SYCP1: variants seen among roughly 807,000 people sequenced by gnomAD.
The protein encoded by SYCP1 is synaptonemal complex protein 1.
Under a neutral mutation model 153.1 loss-of-function variants are expected in SYCP1, and 64 were observed. The observed-to-expected ratio is 0.42, with a 90% CI of 0.34 to 0.51. SYCP1 has a LOEUF of 0.51. SYCP1 is among the 20% of genes least tolerant of loss of function. The pLI, the probability that SYCP1 is intolerant of heterozygous loss-of-function variation, is 0.06. For synonymous variants in SYCP1, 384 were observed against 341.8 expected (o/e 1.12, Z -1.36); for missense variants, 997 against 1,049.0 (o/e 0.95, Z 0.68).
At chr1:114,857,558 AT>A in intron 5 of SYCP1, 61 bp downstream of exon 5, 1 of 1,204,286 alleles carries the variant, frequency 8.3e-7, no homozygotes, top group South Asian at 1.6e-5. Context: ...TATTACCTAT[AT>A]GTATATTTCT....
At position 114,911,465 on chromosome 1, in the gene SYCP1, T is replaced by A. The variant is rs1266873410; in HGVS notation, c.1426-14T>A. The A allele has an allele frequency of 2.0e-6, 3 of 1,521,172 alleles. No individual in the cohort carries two copies. Among genetic ancestry groups the A allele is most frequent in the Non-Finnish European group, 2.6e-6 (3 of 1,132,406 alleles). The allele number at this position is 1,521,172 out of a possible 1,614,324, so 94.2% of individuals were successfully genotyped here. ...GAAAAACACTTGCCATAGTTATATA[T>A]GTTTATTTTGCAGAAAGAAGTACAT... On this transcript the variant is annotated splice_polypyrimidine_tract_variant and intron_variant, in intron 17 of 31. Coordinates refer to ENST00000369522, the MANE Select transcript of SYCP1 (RefSeq NM_003176.4).
rs1232959904 is a variant in SYCP1 at position 114,860,801 on chromosome 1, C to A, written c.590C>A (p.Thr197Lys). The A allele has an allele frequency of 3.2e-6, 5 of 1,584,606 alleles. No individual in the cohort carries two copies. The highest frequency in any genetic ancestry group is 3.7e-5 in the Admixed American group (2 of 54,462). ...ACCTGTGCTAGATCTGCAGAAAAGACAAAGAAATGTAAATATCTTTCTTGT... is the reference window on the plus strand; with the variant it reads ...ACCTGTGCTAGATCTGCAGAAAAGAAAAAGAAATGTAAATATCTTTCTTGT... ...KETCARSAEK[T>K]KKYEYEREET... The change falls in exon 8 of 32, where the codon ACA becomes AAA. Residue 197 changes from threonine (T) to lysine (K), a missense_variant. Thr to Lys is a moderately conservative substitution (Grantham distance 78). Transcript: ENST00000369522.
intron 23 of SYCP1, among the ~76,000 whole-genome samples, chr1:114,938,787 A>C (rs1233484837): frequency 6.6e-6 from 1 of 152,124 alleles, no homozygotes; most frequent in Non-Finnish European, 1.5e-5. Flanking sequence ...AATATACACA[A>C]ATGGCCAATA....
intron 28 of SYCP1, among the ~76,000 whole-genome samples, chr1:114,977,852 GA>G (rs1672904271): frequency 1.3e-5 from 2 of 151,370 alleles, no homozygotes; most frequent in South Asian, 2.1e-4. Context: ...CAAAAAAGAA[GA>G]AAAAAAGAAG....
At chr1:114,876,915 A>G in intron 11 of SYCP1, 105 bp downstream of exon 11, 6 of 545,744 alleles carry the variant, frequency 1.1e-5, no homozygotes, top group Non-Finnish European at 1.7e-5. Context: ...ATAAATTCCT[A>G]TGAGAGAATT....
chr1:114,884,886 T>C (rs1038419246), intron 12 of SYCP1, among the ~76,000 whole-genome samples: 2 of 152,154 alleles, frequency 1.3e-5, no homozygotes, highest in Admixed American at 6.5e-5. Flanking sequence ...ATTGCTTTTA[T>C]GATGTTTAAA....
intron 15 of SYCP1, among the ~76,000 whole-genome samples, chr1:114,888,129 A>C (rs1482311788): frequency 1.3e-5 from 2 of 152,106 alleles, no homozygotes; most frequent in Non-Finnish European, 2.9e-5. Context: ...GTGTTATTAA[A>C]ATTCAACAAC....
At chr1:114,994,036 T>C (rs1449523466) in intron 30 of SYCP1, among the ~76,000 whole-genome samples, 2 of 151,484 alleles carry the variant, frequency 1.3e-5, no homozygotes, top group African/African-American at 4.8e-5. Context: ...ATCTATGTTG[T>C]AGCATATATC....
At chr1:114,983,623 A>G (rs893363822) in intron 29 of SYCP1, among the ~76,000 whole-genome samples, 1 of 152,016 alleles carries the variant, frequency 6.6e-6, no homozygotes, top group Non-Finnish European at 1.5e-5. Context: ...GTGGGCTGTT[A>G]TTCTTTAAGG....
chr1:114,990,015 T>C (rs1570929352), intron 30 of SYCP1, among the ~76,000 whole-genome samples: 1 of 151,990 alleles, frequency 6.6e-6, no homozygotes, highest in East Asian at 1.9e-4. Context: ...AACAGACATG[T>C]ATAACATTCT....
At chr1:114,861,531 A>T (rs1664375045) in intron 8 of SYCP1, among the ~76,000 whole-genome samples, 1 of 152,200 alleles carries the variant, frequency 6.6e-6, no homozygotes, top group Admixed American at 6.5e-5. Flanking sequence ...CATACAGCTT[A>T]CTACTTAACA....
chr1:114,868,613 T>G (rs1383464738), intron 8 of SYCP1, among the ~76,000 whole-genome samples: 1 of 152,236 alleles, frequency 6.6e-6, no homozygotes, highest in Admixed American at 6.5e-5. Context: ...CTGAAAGAGA[T>G]AGTAGAGAAT....
chr1:114,908,782 A>C (rs1045960040), intron 16 of SYCP1, among the ~76,000 whole-genome samples: 1 of 152,164 alleles, frequency 6.6e-6, no homozygotes, highest in Admixed American at 6.5e-5. Context: ...AATTAGCTGC[A>C]TTAAAGTTCT....
chr1:114,916,718 C>T (rs945869254), intron 20 of SYCP1, among the ~76,000 whole-genome samples: 3 of 151,302 alleles, frequency 2.0e-5, no homozygotes, highest in Admixed American at 6.6e-5. Context: ...TTATTTATAG[C>T]ACATATTTTC....
intron 30 of SYCP1, among the ~76,000 whole-genome samples, chr1:114,988,483 G>T (rs1013461461): frequency 4.6e-5 from 7 of 151,954 alleles, no homozygotes; most frequent in African/African-American, 1.7e-4. Context: ...AGAAATGTTA[G>T]ATGCCAGAAG....
intron 27 of SYCP1, among the ~76,000 whole-genome samples, chr1:114,957,282 A>G (rs1304161917): frequency 1.3e-5 from 2 of 151,942 alleles, no homozygotes; most frequent in Admixed American, 1.3e-4. Context: ...CTGGTCTTGA[A>G]CTCCTTAAGT....
At chr1:114,981,610 C>G (rs1010282223) in intron 29 of SYCP1, 98 bp downstream of exon 29, 1 of 1,081,286 alleles carries the variant, frequency 9.2e-7, no homozygotes, top group Non-Finnish European at 1.3e-6. Flanking sequence ...ACATATATAA[C>G]TAGTTTCTTG....
chr1:114,896,070 A>G (rs1667041838), intron 16 of SYCP1, among the ~76,000 whole-genome samples: 2 of 152,128 alleles, frequency 1.3e-5, no homozygotes, highest in Non-Finnish European at 2.9e-5. Context: ...ATTTTTAAGA[A>G]CCTTGTAAAA....
At chr1:114,965,949 T>C (rs1326338435) in intron 27 of SYCP1, among the ~76,000 whole-genome samples, 2 of 152,178 alleles carry the variant, frequency 1.3e-5, no homozygotes, top group Non-Finnish European at 2.9e-5. Flanking sequence ...TCTGGTAGAA[T>C]TTGGCTGTGA....
Sources: gnomAD v4.1 joint callset for allele counts (sites outside exome capture counted in the v4.1 genomes callset) on GRCh38, gnomAD v4.1.1 for gene constraint, MANE v1.5 for transcripts, NCBI Gene and HGNC (gene_info 2026-07-23, HGNC 2026-07-21) for gene names.